The following IGBP1C variants were observed in gnomAD, a reference collection of about 807,000 sequenced individuals.
The protein encoded by IGBP1C is IGBP1 family member C, also known as immunoglobulin-binding protein 1 family member C.
At chr17:58,672,947 G>A in the IGBP1C span, among the ~76,000 whole-genome samples, 21 of 152,046 alleles carry the variant, frequency 1.4e-4, no homozygotes, top group Admixed American at 3.3e-4. Flanking sequence ...GGCCAGGCTG[G>A]TCTTGAACTC....
At chr17:58,660,866 A>T in the IGBP1C span, 1 of 795,568 alleles carries the variant, frequency 1.3e-6, no homozygotes, top group South Asian at 1.3e-5. Flanking sequence ...AGTGAGAATG[A>T]AGGGTTTCAT....
chr17:58,667,241 A>G, the IGBP1C span, among the ~76,000 whole-genome samples: 1 of 152,128 alleles, frequency 6.6e-6, no homozygotes, highest in Non-Finnish European at 1.5e-5. Context: ...TGCAGAGTGG[A>G]GGGTTTTGGA....
At chr17:58,662,537 C>A in the IGBP1C span, among the ~76,000 whole-genome samples, 1 of 151,824 alleles carries the variant, frequency 6.6e-6, no homozygotes, top group African/African-American at 2.4e-5. Flanking sequence ...CCCCTCAGTA[C>A]AGAATGTTAT....
the IGBP1C span, among the ~76,000 whole-genome samples, chr17:58,671,764 A>G: frequency 1.3e-5 from 2 of 152,030 alleles, no homozygotes; most frequent in Non-Finnish European, 2.9e-5. Flanking sequence ...CTATTTTCTC[A>G]CCATTTTACA....
chr17:58,661,709 A>G, the IGBP1C span: 1 of 581,128 alleles, frequency 1.7e-6, no homozygotes, highest in Non-Finnish European at 3.0e-6. Context: ...ACGGCAGGGC[A>G]GTCAGGGAGG....
chr17:58,663,913 C>A, the IGBP1C span, among the ~76,000 whole-genome samples: 1 of 152,170 alleles, frequency 6.6e-6, no homozygotes, highest in Non-Finnish European at 1.5e-5. Flanking sequence ...GGCAGTGGCT[C>A]ATGCCTGCAA....
the IGBP1C span, among the ~76,000 whole-genome samples, chr17:58,677,068 G>A: frequency 9.0e-5 from 13 of 144,718 alleles, no homozygotes; most frequent in African/African-American, 2.9e-4. Context: ...GCTGGGAGCC[G>A]AGATCAAACC....
chr17:58,677,939 C>G, the IGBP1C span, among the ~76,000 whole-genome samples: 1 of 152,228 alleles, frequency 6.6e-6, no homozygotes, highest in Non-Finnish European at 1.5e-5. Flanking sequence ...ATCACGAGGT[C>G]AGGAGTTCAA....
At chr17:58,666,584 G>C in the IGBP1C span, 3 of 150,328 alleles carry the variant, frequency 2.0e-5, no homozygotes, top group Non-Finnish European at 2.9e-5. Flanking sequence ...ATTATACACT[G>C]TAGTTACCCA....
At chr17:58,664,181 G>A in the IGBP1C span, among the ~76,000 whole-genome samples, 1 of 152,286 alleles carries the variant, frequency 6.6e-6, no homozygotes, top group Admixed American at 6.5e-5. Flanking sequence ...TCTCATTATT[G>A]AACTACCTTC....
chr17:58,689,735 C>T, the IGBP1C span, among the ~76,000 whole-genome samples: 5 of 151,998 alleles, frequency 3.3e-5, no homozygotes, highest in South Asian at 2.1e-4. Context: ...GTTCCTAGTG[C>T]GTGGTTTCAA....
the IGBP1C span, among the ~76,000 whole-genome samples, chr17:58,683,539 G>C: frequency 6.6e-6 from 1 of 151,184 alleles, no homozygotes; most frequent in Admixed American, 6.6e-5. Context: ...GAGGCAGGCG[G>C]ATAACCTGAG....
the IGBP1C span, chr17:58,660,584 A>G: frequency 1.3e-6 from 1 of 795,434 alleles, no homozygotes; most frequent in Non-Finnish European, 2.3e-6. Flanking sequence ...AGATTAGCCC[A>G]TGTTCTGTCG....
chr17:58,685,995 A>AC, the IGBP1C span, among the ~76,000 whole-genome samples: 2 of 95,354 alleles, frequency 2.1e-5, no homozygotes, highest in Non-Finnish European at 4.4e-5. Flanking sequence ...ACTCTGTCTC[A>AC]CAAAAAAAAA....
the IGBP1C span, among the ~76,000 whole-genome samples, chr17:58,680,081 CT>C: frequency 0.24 from 36,423 of 151,334 alleles, 5,286 homozygotes; most frequent in Middle Eastern, 0.41. Flanking sequence ...TGTCTTTTTT[CT>C]TTTTTTTTCC....
At chr17:58,682,328 G>T in the IGBP1C span, among the ~76,000 whole-genome samples, 1 of 151,404 alleles carries the variant, frequency 6.6e-6, no homozygotes, top group Admixed American at 6.6e-5. Context: ...TGCCATCTCA[G>T]CTCACTGCCA....
the IGBP1C span, among the ~76,000 whole-genome samples, chr17:58,683,379 CA>C: frequency 3.0e-3 from 402 of 134,830 alleles, 1 homozygote; most frequent in Middle Eastern, 0.019. Context: ...TCCCCCCCCC[CA>C]AAAAAAAAAG....
chr17:58,670,200 C>T, the IGBP1C span, among the ~76,000 whole-genome samples: 1 of 152,032 alleles, frequency 6.6e-6, no homozygotes, highest in Non-Finnish European at 1.5e-5. Flanking sequence ...TTCATTATTC[C>T]ACTGTGTGAT....
At chr17:58,666,383 A>G in the IGBP1C span, among the ~76,000 whole-genome samples, 1 of 150,692 alleles carries the variant, frequency 6.6e-6, no homozygotes, top group Non-Finnish European at 1.5e-5. Context: ...AAACAACCAA[A>G]GAAGGCTGAG....
Sources: gnomAD v4.1 joint callset for allele counts (sites outside exome capture counted in the v4.1 genomes callset) on GRCh38, gnomAD v4.1.1 for gene constraint, MANE v1.5 for transcripts, NCBI Gene and HGNC (gene_info 2026-07-23, HGNC 2026-07-21) for gene names.